The following TOMM70 variants were observed in gnomAD, a reference collection of about 807,000 sequenced individuals.
TOMM70 encodes translocase of outer mitochondrial membrane 70.
A neutral mutation model predicts 73.6 loss-of-function variants in TOMM70; 13 were observed. The ratio of observed to expected loss-of-function variants is 0.18; its 90% confidence interval spans 0.11 to 0.28. The LOEUF (loss-of-function observed/expected upper bound fraction) is 0.28, where lower values mean the gene tolerates loss of function less well. Ranked by LOEUF, TOMM70 falls within the 10% of genes least tolerant of loss-of-function variation. TOMM70 has a pLI of 1.00. For synonymous variants in TOMM70, 257 were observed against 271.2 expected (o/e 0.95, Z 0.51); for missense variants, 609 against 747.5 (o/e 0.81, Z 2.16).
chr3:100,368,114 T>A lies in TOMM70; in HGVS notation c.1603A>T (p.Ser535Cys). ...TTATTGTCAATTTCAATAGCCTTGCTGATAAGTTCCAAACCTCTATCCAGA... is the reference window on the plus strand; with the variant it reads ...TTATTGTCAATTTCAATAGCCTTGCAGATAAGTTCCAAACCTCTATCCAGA... ...QDLDRGLELI[S>C]KAIEIDNKCD... is the part of the protein sequence containing the mutation. Residue 535 changes from serine to cysteine, a missense_variant, in exon 11 of 12, where the codon AGC becomes TGC. Transcript: ENST00000284320. The A allele has an allele frequency of 6.2e-7, 1 of 1,613,996 alleles. No homozygotes were observed. The highest frequency in any genetic ancestry group is 8.5e-7 in the Non-Finnish European group (1 of 1,179,952).
intron 6 of TOMM70, among the ~76,000 whole-genome samples, chr3:100,376,890 TATAAC>T (rs1390466285): frequency 2.6e-5 from 4 of 152,106 alleles, no homozygotes; most frequent in Admixed American, 6.5e-5. Flanking sequence ...AACAAAAACA[TATAAC>T]ATATATCAGT....
chr3:100,382,377 AAG>A (rs1706643298), intron 4 of TOMM70, among the ~76,000 whole-genome samples: 1 of 152,212 alleles, frequency 6.6e-6, no homozygotes, highest in African/African-American at 2.4e-5. Flanking sequence ...GGAATAAAAA[AAG>A]GAATTGGCTT....
chr3:100,394,514 C>CT (rs1243635819), intron 1 of TOMM70, among the ~76,000 whole-genome samples: 1 of 144,924 alleles, frequency 6.9e-6, no homozygotes, highest in East Asian at 1.9e-4. Context: ...TACTTTCTTT[C>CT]TTTTTTTGAG....
chr3:100,394,724 A>T (rs1221586492), intron 1 of TOMM70, among the ~76,000 whole-genome samples: 1 of 152,072 alleles, frequency 6.6e-6, no homozygotes, highest in East Asian at 1.9e-4. Context: ...GCCAGTCTTG[A>T]ACTCCTGCCC....
chr3:100,368,249 C>A, intron 10 of TOMM70, 83 bp from the exon 11 acceptor site: 2 of 1,462,314 alleles, frequency 1.4e-6, no homozygotes, highest in South Asian at 1.4e-5. Context: ...TCAATTTCTG[C>A]CTTCAATGAA....
At chr3:100,372,552 T>G in intron 9 of TOMM70, 54 bp downstream of exon 9, 16 of 1,359,940 alleles carry the variant, frequency 1.2e-5, no homozygotes, top group East Asian at 2.3e-5. Context: ...ATTTCCATAC[T>G]GAGATTTGGC....
At chr3:100,391,124 G>A (rs1706755612) in intron 1 of TOMM70, among the ~76,000 whole-genome samples, 1 of 152,038 alleles carries the variant, frequency 6.6e-6, no homozygotes, top group Non-Finnish European at 1.5e-5. Flanking sequence ...CTGGGCAACA[G>A]AGTAAGACTC....
chr3:100,369,108 T>C lies in TOMM70; in HGVS notation c.1480A>G (p.Lys494Glu), dbSNP rs769810811. ...QALTDQQQFG[K>E]ADEMYDKCID... ...CATTTATCATACATTTCATCAGCTT[T>C]ACCAAACTGTTGTTGATCTGTTAAT... Residue 494 changes from lysine (K) to glutamate (E), a missense_variant, in exon 10 of 12, where the codon AAA becomes GAA. Lys to Glu is a moderately conservative substitution (Grantham distance 56). Around this residue, in one of 2 missense-constraint regions of TOMM70, gnomAD observed 432 missense variants for 584.1 expected, o/e 0.74. Transcript: ENST00000284320. 18 of 1,613,424 alleles carry C rather than the reference T, an allele frequency of 1.1e-5. No homozygotes were observed.
intron 1 of TOMM70, among the ~76,000 whole-genome samples, chr3:100,394,104 A>T (rs1204185060): frequency 6.6e-6 from 1 of 152,256 alleles, no homozygotes; most frequent in Non-Finnish European, 1.5e-5. Context: ...AAAATGAGCT[A>T]GAATTAGGTA....
intron 1 of TOMM70, among the ~76,000 whole-genome samples, chr3:100,394,369 T>TCTTTTCTTTTC (rs10663045): frequency 2.0e-5 from 3 of 148,872 alleles, no homozygotes; most frequent in South Asian, 2.1e-4. Flanking sequence ...CTTTTTCTTT[T>TCTTTTCTTTTC]TTTTTTTTTG....
Position 100,401,054 on chromosome 3 carries a change from G to T in TOMM70, c.-105C>A. On this transcript the variant is annotated 5_prime_UTR_variant, in exon 1 of 12. Transcript: ENST00000284320. ...GAGGGAAGGAAAGCAATGAGCGAGC[G>T]AGCACGCTAGGCAGAGAGAGCGGAC... is the stretch of plus-strand genomic sequence containing the variant. 1 of 1,216,268 alleles carries T rather than the reference G, an allele frequency of 8.2e-7. No homozygotes were observed. Among genetic ancestry groups the T allele is most frequent in the Non-Finnish European group, 1.2e-6 (1 of 867,934 alleles). The allele number at this position is 1,216,268 out of a possible 1,614,324, so 75.3% of individuals were successfully genotyped here.
In TOMM70 at chr3:100,375,153, C is replaced by T; in HGVS notation, c.1093-1G>A. ...TTTTGATGAGAGCATTTGCTCGAAGCTATATACCCCAAGTGAGGAAAGGTT... is the reference window on the plus strand; with the variant it reads ...TTTTGATGAGAGCATTTGCTCGAAGTTATATACCCCAAGTGAGGAAAGGTT... On this transcript the variant is annotated splice_acceptor_variant, in intron 6 of 11. Coordinates refer to ENST00000284320, the MANE Select transcript of TOMM70 (RefSeq NM_014820.5). LOFTEE classifies it high-confidence loss of function. The T allele has an allele frequency of 6.3e-7, 1 of 1,583,284 alleles. No individual in the cohort carries two copies. The highest frequency in any genetic ancestry group is 8.6e-7 in the Non-Finnish European group (1 of 1,163,878).
At chr3:100,384,344 G>GA in intron 4 of TOMM70, 135 bp downstream of exon 4, 1 of 535,340 alleles carries the variant, frequency 1.9e-6, no homozygotes, top group Non-Finnish European at 3.2e-6. Context: ...AAGATAACAG[G>GA]AAGAAGAAAT....
rs1260995871 is a variant in TOMM70, at chr3:100,386,353, G to C, written c.499-9C>G. The stretch of plus-strand genomic sequence containing the variant: ...ACTTCTTTCCATTTTTGCTGTAATT[G>C]AAAGTATTTAAAAAAAGTCACACTA... On this transcript the variant is annotated splice_polypyrimidine_tract_variant and intron_variant, in intron 2 of 11. Transcript: ENST00000284320. 6.3e-7 allele frequency: 1 copy of C among 1,590,984 alleles called. No homozygotes were observed. The highest frequency in any genetic ancestry group is 1.2e-5 in the South Asian group (1 of 86,522).
chr3:100,374,709 C>T (rs1211158425), intron 7 of TOMM70, among the ~76,000 whole-genome samples: 1 of 152,176 alleles, frequency 6.6e-6, no homozygotes, highest in African/African-American at 2.4e-5. Flanking sequence ...ACATTGCTTA[C>T]TAAATGTTAT....
At position 100,365,597 on chromosome 3, in the gene TOMM70, T is replaced by C; in HGVS notation, c.1794A>G (p.Ala598=). Residue 598 remains alanine, a synonymous_variant, in exon 12 of 12, where the codon GCA becomes GCG. Transcript: ENST00000284320. ...TTGGTGGTTTTAATCCGTATTTCTTTGCAACTTCTGTCTGGGCATGGGCGG... is the reference window on the plus strand; with the variant it reads ...TTGGTGGTTTTAATCCGTATTTCTTCGCAACTTCTGTCTGGGCATGGGCGG... ...CDAAHAQTEV[A]KKYGLKPPTL The C allele has an allele frequency of 6.2e-7, 1 of 1,614,236 alleles. No individual in the cohort carries two copies. The highest frequency in any genetic ancestry group is 2.2e-5 in the East Asian group (1 of 44,882).
chr3:100,381,135 A>G (rs1706629428), intron 5 of TOMM70, among the ~76,000 whole-genome samples: 1 of 152,178 alleles, frequency 6.6e-6, no homozygotes, highest in Non-Finnish European at 1.5e-5. Context: ...AGCTCTCTAC[A>G]GGCTCCAACA....
At chr3:100,368,901 A>AAGACATCT (rs1706478542) in intron 10 of TOMM70, 137 bp downstream of exon 10, 2 of 616,684 alleles carry the variant, frequency 3.2e-6, no homozygotes, top group Non-Finnish European at 5.6e-6. Context: ...TAAGAATGAA[A>AAGACATCT]AGACATCTAG....
At chr3:100,393,260 G>A (rs1706783640) in intron 1 of TOMM70, among the ~76,000 whole-genome samples, 1 of 151,898 alleles carries the variant, frequency 6.6e-6, no homozygotes, top group African/African-American at 2.4e-5. Context: ...ATACTACTCG[G>A]CCATTAAAAA....
Sources: allele counts gnomAD v4.1 joint callset (sites outside exome capture counted in the v4.1 genomes callset), GRCh38; gene constraint gnomAD v4.1.1; regional missense constraint gnomAD v4.1.1; transcripts MANE v1.5; gene names NCBI Gene and HGNC (gene_info 2026-07-23, HGNC 2026-07-21).